Variants in STK31 observed in about 807,000 individuals in gnomAD.
The protein encoded by STK31 is serine/threonine kinase 31, also known as serine/threonine-protein kinase 31.
STK31 carries 89 observed loss-of-function variants against 129.7 expected under a neutral mutation model. The observed-to-expected ratio is 0.69, with a 90% CI of 0.58 to 0.82. STK31 has a LOEUF of 0.82. Among genes scored for constraint, STK31 ranks in the 40% least tolerant of loss-of-function variants. The pLI is 0.00. For missense variants in STK31, 1,187 were observed against 1,176.4 expected (o/e 1.01, Z -0.13); for synonymous variants, 448 against 395.3 (o/e 1.13, Z -1.58).
intron 23 of STK31, among the ~76,000 whole-genome samples, chr7:23,827,352 T>C (rs1794227301): frequency 6.6e-6 from 1 of 152,220 alleles, no homozygotes; most frequent in African/African-American, 2.4e-5. Context: ...TCATTTCATC[T>C]TCCGTCACTG....
chr7:23,804,667 C>T (rs1399701386), intron 22 of STK31, among the ~76,000 whole-genome samples: 1 of 152,184 alleles, frequency 6.6e-6, no homozygotes, highest in Non-Finnish European at 1.5e-5. Context: ...CCTAACTTTG[C>T]ATTTCTGGAC....
At chr7:23,815,357 C>T (rs568109353) in intron 23 of STK31, 145 bp downstream of exon 23, 1 of 548,780 alleles carries the variant, frequency 1.8e-6, no homozygotes, top group South Asian at 3.0e-5. Flanking sequence ...ATTCAGGTGC[C>T]CTACTTAACA....
At chr7:23,813,356 G>T (rs867982709) in intron 22 of STK31, among the ~76,000 whole-genome samples, 1 of 151,994 alleles carries the variant, frequency 6.6e-6, no homozygotes, top group African/African-American at 2.4e-5. Context: ...GAAAGTTCTT[G>T]TCAGATAATT....
chr7:23,812,630 T>TA (rs1279695007), intron 22 of STK31, among the ~76,000 whole-genome samples: 1 of 152,056 alleles, frequency 6.6e-6, no homozygotes, highest in African/African-American at 2.4e-5. Flanking sequence ...GTGTACATTG[T>TA]ACTCATTAAG....
chr7:23,780,164 C>T (rs1273446322), intron 15 of STK31, among the ~76,000 whole-genome samples: 2 of 152,108 alleles, frequency 1.3e-5, no homozygotes, highest in Non-Finnish European at 2.9e-5. Flanking sequence ...CTGTAGGCTG[C>T]ACCCACTGTC....
chr7:23,738,949 G>A (rs1787887748), intron 8 of STK31, among the ~76,000 whole-genome samples: 1 of 152,226 alleles, frequency 6.6e-6, no homozygotes, highest in Admixed American at 6.5e-5. Context: ...GTGTGCATAT[G>A]TCTTTATAGT....
chr7:23,820,727 A>G (rs1201702186), intron 23 of STK31, among the ~76,000 whole-genome samples: 2 of 152,140 alleles, frequency 1.3e-5, no homozygotes, highest in Admixed American at 6.6e-5. Flanking sequence ...CTCTACCTCT[A>G]TGAGATCAAC....
In STK31 at chr7:23,769,017, C is replaced by T. The variant is rs200671778; in HGVS notation, c.1439C>T (p.Ala480Val). ...CAGGATTTGTCAGTCTCTTTAGAAG[C>T]AGTGTATGGACAAGCCAAAGAAGGA... ...TLQDLSVSLE[A>V]VYGQAKEGAN... Residue 480 changes from alanine (A) to valine (V), a missense_variant, in exon 12 of 24, where the codon GCA (alanine) becomes GTA (valine). Physicochemically the swap from Ala to Val is moderately conservative, Grantham distance 64. Around this residue, in one of 5 missense-constraint regions of STK31, gnomAD observed 975 missense variants for 934.9 expected, o/e 1.04. Transcript: ENST00000355870. 3 of 1,602,484 alleles carry T rather than the reference C, an allele frequency of 1.9e-6. No homozygotes were observed. In the East Asian group the frequency reaches 6.7e-5, roughly 36 times the overall value.
intron 22 of STK31, among the ~76,000 whole-genome samples, chr7:23,797,657 C>T (rs979154065): frequency 8.5e-5 from 13 of 152,084 alleles, no homozygotes; most frequent in African/African-American, 2.2e-4. Context: ...CAGGAGAAAG[C>T]GGGAAAGATC....
At chr7:23,819,704 A>T (rs551414944) in intron 23 of STK31, among the ~76,000 whole-genome samples, 1 of 150,508 alleles carries the variant, frequency 6.6e-6, no homozygotes, top group Non-Finnish European at 1.5e-5. Context: ...AGTTAAACAG[A>T]TTATTTTTAT....
chr7:23,764,932 A>G (rs539631749), intron 11 of STK31, among the ~76,000 whole-genome samples: 4 of 144,684 alleles, frequency 2.8e-5, no homozygotes, highest in South Asian at 2.3e-4. Context: ...ACTACTATGT[A>G]ATCTTATTTT....
chr7:23,729,553 C>T (rs1239481608), intron 6 of STK31, among the ~76,000 whole-genome samples: 2 of 129,474 alleles, frequency 1.5e-5, no homozygotes, highest in African/African-American at 8.0e-5. Context: ...CTCTGTTGCC[C>T]AGGCTGGAGT....
At chr7:23,783,943 A>C (rs999463595) in intron 17 of STK31, among the ~76,000 whole-genome samples, 5 of 152,158 alleles carry the variant, frequency 3.3e-5, no homozygotes, top group African/African-American at 1.2e-4. Context: ...TACTTTTTGA[A>C]ATGACAAAAT....
At chr7:23,828,117 A>G (rs999830030) in intron 23 of STK31, among the ~76,000 whole-genome samples, 6 of 152,112 alleles carry the variant, frequency 3.9e-5, no homozygotes, top group Non-Finnish European at 7.4e-5. Context: ...ACTCTCTTCA[A>G]AGCTGTCAGA....
chr7:23,791,277 C>T (rs916989367), intron 22 of STK31: 1 of 985,080 alleles, frequency 1.0e-6, no homozygotes, highest in African/African-American at 1.7e-5. Flanking sequence ...TTCCTGCTTC[C>T]AGTGTAGACC....
At chr7:23,785,735 G>A in intron 18 of STK31, 132 bp downstream of exon 18, 1 of 1,221,838 alleles carries the variant, frequency 8.2e-7, no homozygotes, top group East Asian at 2.8e-5. Flanking sequence ...TGATAATTGT[G>A]CTTGTAGTTT....
intron 6 of STK31, among the ~76,000 whole-genome samples, chr7:23,732,812 C>T (rs1339588509): frequency 6.6e-6 from 1 of 152,060 alleles, no homozygotes; most frequent in Non-Finnish European, 1.5e-5. Flanking sequence ...CAATAATTTT[C>T]AAAGACTTCC....
chr7:23,757,027 G>GTCCTTT (rs1245457168), intron 10 of STK31, among the ~76,000 whole-genome samples: 1 of 152,092 alleles, frequency 6.6e-6, no homozygotes, highest in Admixed American at 6.6e-5. Context: ...GGAGGAGTCC[G>GTCCTTT]TCCTTTTCAG....
intron 11 of STK31, among the ~76,000 whole-genome samples, chr7:23,764,859 T>C (rs1001418519): frequency 6.6e-6 from 1 of 152,098 alleles, no homozygotes; most frequent in Non-Finnish European, 1.5e-5. Flanking sequence ...GTAACAGACC[T>C]TCACATGTAC....
Sources: allele counts gnomAD v4.1 joint callset (sites outside exome capture counted in the v4.1 genomes callset), GRCh38; gene constraint gnomAD v4.1.1; regional missense constraint gnomAD v4.1.1; transcripts MANE v1.5; gene names NCBI Gene and HGNC (gene_info 2026-07-23, HGNC 2026-07-21).